Variants in DCDC1 observed in about 807,000 individuals in gnomAD.
The protein encoded by DCDC1 is doublecortin domain-containing protein 1.
Under a neutral mutation model 178.3 loss-of-function variants are expected in DCDC1, and 200 were observed. The ratio of observed to expected loss-of-function variants is 1.12; its 90% confidence interval spans 1.00 to 1.26. The LOEUF (loss-of-function observed/expected upper bound fraction) is 1.26, where lower values mean the gene tolerates loss of function less well. Among genes scored for constraint, DCDC1 ranks in the 50% most tolerant of loss-of-function variants. The pLI is 0.00. For synonymous variants in DCDC1, 690 were observed against 604.8 expected (o/e 1.14, Z -2.07); for missense variants, 1,983 against 1,749.2 (o/e 1.13, Z -2.38).
intron 7 of DCDC1, 112 bp downstream of exon 7, chr11:31,290,533 CTT>C: frequency 8.6e-7 from 1 of 1,159,508 alleles, no homozygotes; most frequent in African/African-American, 1.6e-5. Context: ...TATATAATGT[CTT>C]GTTAATATTT....
chr11:31,158,081 A>G (rs1378846523), intron 9 of DCDC1, among the ~76,000 whole-genome samples: 2 of 149,702 alleles, frequency 1.3e-5, no homozygotes, highest in Non-Finnish European at 3.0e-5. Flanking sequence ...ATTTTCAAAT[A>G]TACAAAACAT....
chr11:30,974,974 C>G (rs1011217979), intron 20 of DCDC1, among the ~76,000 whole-genome samples: 3 of 151,892 alleles, frequency 2.0e-5, no homozygotes, highest in African/African-American at 4.8e-5. Flanking sequence ...AAATTTTCAA[C>G]AAAATACTAG....
chr11:31,086,571 T>C (rs1957488152), intron 17 of DCDC1, among the ~76,000 whole-genome samples: 1 of 152,176 alleles, frequency 6.6e-6, no homozygotes. Flanking sequence ...ACTTGTCGAT[T>C]TTTATTTTTG....
chr11:31,282,738 T>C (rs928922667), intron 7 of DCDC1, among the ~76,000 whole-genome samples: 3 of 152,162 alleles, frequency 2.0e-5, no homozygotes, highest in Non-Finnish European at 4.4e-5. Flanking sequence ...ATATTTCTTA[T>C]AGTTTAGGTC....
chr11:30,983,236 C>A (rs1950479008), intron 20 of DCDC1, among the ~76,000 whole-genome samples: 1 of 152,172 alleles, frequency 6.6e-6, no homozygotes, highest in Non-Finnish European at 1.5e-5. Context: ...TATGAAGCAA[C>A]ATTTCCCCAA....
intron 9 of DCDC1, among the ~76,000 whole-genome samples, chr11:31,150,757 A>G (rs988198764): frequency 6.6e-6 from 1 of 151,874 alleles, no homozygotes; most frequent in Non-Finnish European, 1.5e-5. Context: ...TTTCCCTTAT[A>G]TCTTCTCAAT....
intron 9 of DCDC1, among the ~76,000 whole-genome samples, chr11:31,141,213 T>C (rs1963786576): frequency 6.6e-6 from 1 of 152,236 alleles, no homozygotes; most frequent in Non-Finnish European, 1.5e-5. Context: ...TGTTAAGATC[T>C]TTAAAAATCT....
At chr11:31,329,420 T>C (rs560520236) in intron 2 of DCDC1, among the ~76,000 whole-genome samples, 14 of 152,260 alleles carry the variant, frequency 9.2e-5, no homozygotes, top group Non-Finnish European at 2.1e-4. Context: ...ATACTTTAAG[T>C]TCCAGGGTAC....
intron 4 of DCDC1, 32 bp downstream of exon 4, chr11:31,307,607 G>T: frequency 6.2e-7 from 1 of 1,608,096 alleles, no homozygotes; most frequent in Non-Finnish European, 8.5e-7. Flanking sequence ...TTCAACAATA[G>T]GTTAAAAAGA....
intron 9 of DCDC1, among the ~76,000 whole-genome samples, chr11:31,169,084 G>A (rs381149): frequency 0.56 from 85,796 of 151,882 alleles, 25,154 homozygotes; most frequent in East Asian, 0.93. Context: ...TCCTTTGCAG[G>A]GACATGGATG....
intron 10 of DCDC1, among the ~76,000 whole-genome samples, chr11:31,134,337 A>AT (rs1192229801): frequency 6.6e-6 from 1 of 152,180 alleles, no homozygotes; most frequent in Non-Finnish European, 1.5e-5. Flanking sequence ...GTGCTCTGAA[A>AT]TCCATCCCCA....
At position 30,883,982 on chromosome 11, in the gene DCDC1, C is replaced by T. The variant is rs963461598; in HGVS notation, c.5083-2674G>A. ...CTTCATAGAGAAAAAAAATGTGAAA[C>T]GACCAAAAAAGGAGGTGGGCAAGAA... On this transcript the variant is annotated intron_variant, in intron 36 of 38. Transcript: ENST00000684477. 6.8e-5 allele frequency among the ~76,000 whole-genome samples: 10 copies of T among 147,334 alleles called. No homozygotes were observed. In the South Asian group the frequency reaches 1.5e-3, roughly 22 times the overall value.
At chr11:30,953,581 G>A (rs1002532361) in intron 20 of DCDC1, among the ~76,000 whole-genome samples, 16 of 152,062 alleles carry the variant, frequency 1.1e-4, no homozygotes, top group Non-Finnish European at 2.2e-4. Flanking sequence ...AAAAATATGT[G>A]AAGGGGAATT....
chr11:31,367,112 A>G lies in DCDC1; in HGVS notation c.-125+2585T>C, dbSNP rs576911576. Among the ~76,000 whole-genome samples the G allele has an allele frequency of 1.2e-4, 18 of 152,336 alleles. No individual in the cohort carries two copies. In the South Asian group the frequency reaches 3.5e-3, roughly 30 times the overall value. On this transcript the variant is annotated intron_variant, in intron 1 of 38. Coordinates refer to ENST00000684477, the MANE Select transcript of DCDC1 (RefSeq NM_001387274.1). The stretch of plus-strand genomic sequence containing the variant: ...AGAGTTCCAGACCAGCCTGGCCAAC[A>G]TGGTGAAACTCCATCTCTACAAAAA...
At chr11:30,928,669 T>C (rs539732068) in intron 22 of DCDC1, among the ~76,000 whole-genome samples, 21 of 590 alleles carry the variant, frequency 0.036, no homozygotes, top group Non-Finnish European at 0.06. Flanking sequence ...CTTTAAAATA[T>C]ACAGTTTCAA....
At chr11:31,193,445 G>A (rs1970352040) in intron 9 of DCDC1, among the ~76,000 whole-genome samples, 1 of 151,988 alleles carries the variant, frequency 6.6e-6, no homozygotes, top group Admixed American at 6.6e-5. Flanking sequence ...TGGGTTTTCA[G>A]ATTAGCAATG....
intron 11 of DCDC1, among the ~76,000 whole-genome samples, chr11:31,116,294 T>G (rs1319389980): frequency 6.6e-6 from 1 of 152,004 alleles, no homozygotes; most frequent in Non-Finnish European, 1.5e-5. Flanking sequence ...ATGAAAAATT[T>G]TAAAGGCATA....
chr11:31,140,738 T>C (rs1963719243), intron 9 of DCDC1, among the ~76,000 whole-genome samples: 3 of 152,112 alleles, frequency 2.0e-5, no homozygotes, highest in Non-Finnish European at 4.4e-5. Flanking sequence ...AAATTCACAT[T>C]AAGCAGTTAG....
At chr11:31,088,578 C>T (rs570612123) in intron 17 of DCDC1, among the ~76,000 whole-genome samples, 4 of 152,264 alleles carry the variant, frequency 2.6e-5, no homozygotes, top group African/African-American at 9.6e-5. Flanking sequence ...TTCCATTTCT[C>T]TCCTAGTGGC....
Sources: gnomAD v4.1 joint callset for allele counts (sites outside exome capture counted in the v4.1 genomes callset) on GRCh38, gnomAD v4.1.1 for gene constraint, MANE v1.5 for transcripts, NCBI Gene and HGNC (gene_info 2026-07-23, HGNC 2026-07-21) for gene names.